The following RIMS2 variants were observed in gnomAD, a reference collection of about 807,000 sequenced individuals.
RIMS2 encodes regulating synaptic membrane exocytosis protein 2.
A neutral mutation model predicts 174.4 loss-of-function variants in RIMS2; 59 were observed. The ratio of observed to expected loss-of-function variants is 0.34; its 90% CI spans 0.27 to 0.42. The LOEUF (loss-of-function observed/expected upper bound fraction) is 0.42, where lower values mean the gene tolerates loss of function less well. Ranked by LOEUF, RIMS2 falls within the 10% of genes least tolerant of loss-of-function variation. The pLI is 1.00. For synonymous variants in RIMS2, 606 were observed against 572.5 expected (o/e 1.06, Z -0.84); for missense variants, 1,620 against 1,666.3 (o/e 0.97, Z 0.48).
At chr8:104,155,589 A>G (rs2098718594) in intron 19 of RIMS2, among the ~76,000 whole-genome samples, 1 of 148,476 alleles carries the variant, frequency 6.7e-6, no homozygotes, top group Non-Finnish European at 1.5e-5. Context: ...AATTTTTTGT[A>G]TTTTTAGTGG....
chr8:104,084,505 G>A (rs1225945778), intron 19 of RIMS2, among the ~76,000 whole-genome samples: 2 of 150,040 alleles, frequency 1.3e-5, no homozygotes, highest in African/African-American at 4.9e-5. Flanking sequence ...TTCCAAGGCA[G>A]GTTTGGTATT....
intron 3 of RIMS2, among the ~76,000 whole-genome samples, chr8:103,823,460 T>C (rs1471625323): frequency 1.3e-5 from 2 of 151,950 alleles, no homozygotes; most frequent in Non-Finnish European, 2.9e-5. Flanking sequence ...TGAAAATAAA[T>C]TACAGGGCTA....
At chr8:103,908,382 A>T (rs1383652288) in intron 4 of RIMS2, among the ~76,000 whole-genome samples, 3 of 152,150 alleles carry the variant, frequency 2.0e-5, no homozygotes, top group Non-Finnish European at 4.4e-5. Context: ...ATTCCTTCTT[A>T]TATGTCCACT....
chr8:104,021,865 G>T (rs979115232), intron 19 of RIMS2, among the ~76,000 whole-genome samples: 2 of 152,134 alleles, frequency 1.3e-5, no homozygotes, highest in African/African-American at 2.4e-5. Flanking sequence ...AGAGATTAAG[G>T]CTTTTCAAAG....
intron 19 of RIMS2, among the ~76,000 whole-genome samples, chr8:104,184,634 TAAAGA>T (rs1195608960): frequency 6.6e-6 from 1 of 151,512 alleles, no homozygotes; most frequent in African/African-American, 2.4e-5. Context: ...CCAAATAGAT[TAAAGA>T]AATTTCCAAA....
intron 19 of RIMS2, among the ~76,000 whole-genome samples, chr8:104,163,727 G>A (rs2098779112): frequency 6.6e-6 from 1 of 152,144 alleles, no homozygotes; most frequent in South Asian, 2.1e-4. Context: ...AATTTCTGTA[G>A]CTTTTATTCC....
At chr8:103,870,608 C>T (rs1286172889) in intron 3 of RIMS2, among the ~76,000 whole-genome samples, 1 of 151,818 alleles carries the variant, frequency 6.6e-6, no homozygotes, top group East Asian at 1.9e-4. Flanking sequence ...ATTTTTTCTA[C>T]AAACTTTCTT....
At chr8:103,509,072 G>C (rs574004983) in intron 1 of RIMS2, among the ~76,000 whole-genome samples, 1 of 152,150 alleles carries the variant, frequency 6.6e-6, no homozygotes, top group Admixed American at 6.5e-5. Context: ...TAGAGAGTTT[G>C]TAGCATTAAT....
chr8:103,560,731 T>A (rs2091450789), intron 1 of RIMS2, among the ~76,000 whole-genome samples: 1 of 152,202 alleles, frequency 6.6e-6, no homozygotes, highest in Admixed American at 6.5e-5. Flanking sequence ...GTTTTTAAAT[T>A]TCAAGAATAA....
intron 2 of RIMS2, among the ~76,000 whole-genome samples, chr8:103,750,669 G>A (rs1414506002): frequency 6.6e-6 from 1 of 152,060 alleles, no homozygotes; most frequent in Non-Finnish European, 1.5e-5. Flanking sequence ...ATGAGTCTCA[G>A]GAGATCTGAT....
intron 17 of RIMS2, among the ~76,000 whole-genome samples, chr8:104,004,654 C>T (rs2095510242): frequency 6.6e-6 from 1 of 151,964 alleles, no homozygotes; most frequent in South Asian, 2.1e-4. Flanking sequence ...GAAATATGTC[C>T]ATGTGTTCCC....
At chr8:103,919,354 C>T (rs528213083) in intron 9 of RIMS2, among the ~76,000 whole-genome samples, 1 of 152,026 alleles carries the variant, frequency 6.6e-6, no homozygotes, top group East Asian at 1.9e-4. Context: ...ATGGAGTGAG[C>T]AAGAGGAAGA....
chr8:103,612,917 T>C (rs79925204), intron 1 of RIMS2, among the ~76,000 whole-genome samples: 1 of 152,206 alleles, frequency 6.6e-6, no homozygotes, highest in African/African-American at 2.4e-5. Flanking sequence ...ATGGAGTCTC[T>C]CTCTGTGCTG....
intron 19 of RIMS2, among the ~76,000 whole-genome samples, chr8:104,097,238 C>A (rs1489919731): frequency 6.6e-6 from 1 of 152,026 alleles, no homozygotes; most frequent in African/African-American, 2.4e-5. Context: ...AGGATAGGAT[C>A]CACGTGTAAA....
At chr8:104,220,586 ATTTATTTTAT>A (rs146296994) in intron 19 of RIMS2, among the ~76,000 whole-genome samples, 1,803 of 151,966 alleles carry the variant, frequency 0.012, 37 homozygotes, top group African/African-American at 0.042. Flanking sequence ...TCCCCAGCCA[ATTTATTTTAT>A]TTTATTTTAT....
chr8:103,743,927 C>G (rs1358850250), intron 2 of RIMS2, among the ~76,000 whole-genome samples: 1 of 151,994 alleles, frequency 6.6e-6, no homozygotes, highest in Non-Finnish European at 1.5e-5. Flanking sequence ...ATTTTTTTCT[C>G]CTTTAGTCTA....
intron 14 of RIMS2, among the ~76,000 whole-genome samples, chr8:103,957,134 G>A (rs1248778506): frequency 1.3e-5 from 2 of 152,060 alleles, no homozygotes; most frequent in South Asian, 2.1e-4. Context: ...AAATAGGAAC[G>A]CTTTTACACT....
intron 1 of RIMS2, among the ~76,000 whole-genome samples, chr8:103,677,948 G>A (rs1410205587): frequency 6.6e-6 from 1 of 152,128 alleles, no homozygotes. Flanking sequence ...TCTGTGCTTT[G>A]CTGAAACTCA....
intron 19 of RIMS2, among the ~76,000 whole-genome samples, chr8:104,137,670 G>T (rs1380063084): frequency 6.6e-6 from 1 of 152,112 alleles, no homozygotes; most frequent in Non-Finnish European, 1.5e-5. Context: ...TCACTGAATA[G>T]ATTGCCTTGT....
Sources: gnomAD v4.1 joint callset for allele counts (sites outside exome capture counted in the v4.1 genomes callset) on GRCh38, gnomAD v4.1.1 for gene constraint, MANE v1.5 for transcripts, NCBI Gene and HGNC (gene_info 2026-07-23, HGNC 2026-07-21) for gene names.